The following SORCS2 variants were observed in gnomAD, a reference collection of about 807,000 sequenced individuals.
The protein encoded by SORCS2 is VPS10 domain-containing receptor SorCS2.
A neutral mutation model predicts 141.6 loss-of-function variants in SORCS2; 100 were observed. The ratio of observed to expected loss-of-function variants is 0.71; its 90% CI spans 0.60 to 0.83. The LOEUF (loss-of-function observed/expected upper bound fraction) is 0.83. SORCS2 is among the 40% of genes least tolerant of loss of function. The pLI is 0.00. For missense variants in SORCS2, 1,646 were observed against 1,560.2 expected (o/e 1.05, Z -0.93); for synonymous variants, 789 against 676.9 (o/e 1.17, Z -2.57).
At chr4:7,341,118 C>T (rs372975502) in intron 1 of SORCS2, among the ~76,000 whole-genome samples, 2 of 152,206 alleles carry the variant, frequency 1.3e-5, no homozygotes, top group Admixed American at 6.5e-5. Context: ...TTGACTGCAG[C>T]GTCTCAGTCC....
At chr4:7,570,017 G>C (rs933487218) in intron 3 of SORCS2, among the ~76,000 whole-genome samples, 1 of 152,266 alleles carries the variant, frequency 6.6e-6, no homozygotes, top group Middle Eastern at 3.4e-3. Flanking sequence ...GGCTCCCAGC[G>C]TTTTCAAGGG....
At chr4:7,203,285 G>C (rs7689187) in intron 1 of SORCS2, among the ~76,000 whole-genome samples, 20,072 of 152,280 alleles carry the variant, frequency 0.13, 1,453 homozygotes, top group East Asian at 0.25. Flanking sequence ...TTAGCCGGGC[G>C]TGATGGCACA....
chr4:7,367,401 G>A (rs1721961569), intron 1 of SORCS2, among the ~76,000 whole-genome samples: 1 of 152,238 alleles, frequency 6.6e-6, no homozygotes, highest in Non-Finnish European at 1.5e-5. Context: ...GTGACCGTGG[G>A]TAAGTCATGT....
At chr4:7,671,521 A>G (rs1435571874) in intron 8 of SORCS2, among the ~76,000 whole-genome samples, 1 of 152,182 alleles carries the variant, frequency 6.6e-6, no homozygotes, top group Non-Finnish European at 1.5e-5. Context: ...TAGAAAAAAT[A>G]AAAAGGAACC....
chr4:7,421,805 G>GCCAC (rs1726083775), intron 2 of SORCS2, among the ~76,000 whole-genome samples: 1 of 151,836 alleles, frequency 6.6e-6, no homozygotes, highest in Non-Finnish European at 1.5e-5. Flanking sequence ...GAGGGCTCCT[G>GCCAC]TCACTGAGGC....
At chr4:7,253,411 G>A (rs188477514) in intron 1 of SORCS2, among the ~76,000 whole-genome samples, 59 of 152,010 alleles carry the variant, frequency 3.9e-4, no homozygotes, top group Middle Eastern at 3.4e-3. Flanking sequence ...GACACGGGCC[G>A]TCCCCCTGTT....
chr4:7,196,595 A>G (rs1727177779), intron 1 of SORCS2, among the ~76,000 whole-genome samples: 1 of 151,394 alleles, frequency 6.6e-6, no homozygotes, highest in South Asian at 2.1e-4. Flanking sequence ...CGAGAAGATC[A>G]GCACCTCCCT....
Position 7,723,763 on chromosome 4 carries a change from C to T in SORCS2, c.2491C>T (p.Leu831Phe). The change falls in exon 19 of 27, where the codon CTT (leucine) becomes TTT (phenylalanine). Residue 831 changes from leucine (L) to phenylalanine (F), a missense_variant. Physicochemically the swap from Leu to Phe is conservative, Grantham distance 22. Coordinates refer to ENST00000507866, the MANE Select transcript of SORCS2 (RefSeq NM_020777.3). ...GDGFKAMYVNLTLTGEPIRHR... is the reference protein window; with the variant it reads ...GDGFKAMYVNFTLTGEPIRHR... The stretch of plus-strand genomic sequence containing the variant: ...CGGCTTCAAGGCCATGTACGTGAAC[C>T]TTACACTGACCGGGGAGCCCATCCG... 1 of 1,614,026 alleles carries T rather than the reference C, an allele frequency of 6.2e-7. No homozygotes were observed. The highest frequency in any genetic ancestry group is 1.1e-5 in the South Asian group (1 of 91,086).
At position 7,394,199 on chromosome 4, in the gene SORCS2, G is replaced by A. The variant is rs149007308; in HGVS notation, c.481-2089G>A. Among the ~76,000 whole-genome samples, 305 of 152,266 alleles carry A rather than the reference G, an allele frequency of 2.0e-3. 2 individuals are homozygous for A. The highest frequency in any genetic ancestry group is 3.3e-3 in the Non-Finnish European group (227 of 68,016). Reference sequence around the variant, plus strand: ...GGTGGGGAGGTGGGCACTGGCCTCTGCCCGACTTCACTGCATAAACGATCC... The same window carrying A: ...GGTGGGGAGGTGGGCACTGGCCTCTACCCGACTTCACTGCATAAACGATCC... On this transcript the variant is annotated intron_variant, in intron 1 of 26. Coordinates refer to ENST00000507866, the MANE Select transcript of SORCS2 (RefSeq NM_020777.3).
At chr4:7,248,386 G>A (rs1713276332) in intron 1 of SORCS2, among the ~76,000 whole-genome samples, 2 of 152,330 alleles carry the variant, frequency 1.3e-5, no homozygotes, top group East Asian at 1.9e-4. Context: ...CACCAGGTGC[G>A]TGTCCTAGCT....
intron 3 of SORCS2, among the ~76,000 whole-genome samples, chr4:7,547,574 C>T (rs1374092521): frequency 5.3e-5 from 8 of 152,242 alleles, no homozygotes. Flanking sequence ...ACATCTGGCC[C>T]CACCTTCCCC....
At chr4:7,634,914 A>G (rs527270853) in intron 3 of SORCS2, among the ~76,000 whole-genome samples, 288 of 152,352 alleles carry the variant, frequency 1.9e-3, no homozygotes, top group African/African-American at 6.6e-3. Context: ...ACCCACGTTG[A>G]GAGGCATCCT....
At chr4:7,304,459 G>A (rs554300686) in intron 1 of SORCS2, among the ~76,000 whole-genome samples, 13 of 152,288 alleles carry the variant, frequency 8.5e-5, no homozygotes, top group East Asian at 3.9e-4. Context: ...AGGCGGATGC[G>A]GGTGGGTCGG....
chr4:7,631,481 G>A lies in SORCS2; in HGVS notation c.649-6847G>A, dbSNP rs115232728. 2.4e-3 allele frequency among the ~76,000 whole-genome samples: 363 copies of A among 152,228 alleles called. 1 individual carries two copies. Among genetic ancestry groups the A allele is most frequent in the African/African-American group, 8.4e-3 (349 of 41,534 alleles). On this transcript the variant is annotated intron_variant, in intron 3 of 26. Transcript: ENST00000507866. ...ATCTTTTTGCACAGTGTCGACTCTGGCCCACCCTGTGTGAGCTGTGTCTCA... is the reference window on the plus strand; with the variant it reads ...ATCTTTTTGCACAGTGTCGACTCTGACCCACCCTGTGTGAGCTGTGTCTCA...
chr4:7,255,226 G>T (rs1489370110), intron 1 of SORCS2, among the ~76,000 whole-genome samples: 1 of 151,988 alleles, frequency 6.6e-6, no homozygotes, highest in Non-Finnish European at 1.5e-5. Context: ...AGTGTAACCA[G>T]TGCTTCCCGG....
At chr4:7,550,212 C>T (rs1458289045) in intron 3 of SORCS2, among the ~76,000 whole-genome samples, 1 of 151,810 alleles carries the variant, frequency 6.6e-6, no homozygotes, top group Non-Finnish European at 1.5e-5. Flanking sequence ...GCAGTTGCCT[C>T]CCTGCCTGTG....
intron 3 of SORCS2, among the ~76,000 whole-genome samples, chr4:7,609,612 T>C (rs935843810): frequency 2.6e-5 from 4 of 152,260 alleles, no homozygotes; most frequent in South Asian, 2.1e-4. Context: ...TCCTGCTCTG[T>C]GTCCTTGGCC....
At chr4:7,645,317 T>G (rs1333720929) in intron 4 of SORCS2, among the ~76,000 whole-genome samples, 1 of 152,182 alleles carries the variant, frequency 6.6e-6, no homozygotes, top group Non-Finnish European at 1.5e-5. Context: ...TACAGTCCTG[T>G]GAGCTCAAGT....
rs1722388703 is a variant in SORCS2 at position 7,664,582 on chromosome 4, A to C, written c.1071+111A>C. The C allele has an allele frequency of 1.4e-6, 1 of 730,720 alleles. No individual in the cohort carries two copies. Among genetic ancestry groups the C allele is most frequent in the East Asian group, 2.9e-5 (1 of 34,624 alleles). 45.3% of individuals were successfully genotyped at this position (730,720 alleles called of 1,614,324 possible). ...AAAGAGGCAATAAAACGGGTATTTC[A>C]CTCTCAAATGCTACTTCGCAGGTCA... On this transcript the variant is annotated intron_variant, in intron 7 of 26. Coordinates refer to ENST00000507866, the MANE Select transcript of SORCS2 (RefSeq NM_020777.3). The surrounding 1 kb of genome is among the most constrained non-coding windows in gnomAD (Gnocchi z 4.7).
Sources: gnomAD v4.1 joint callset for allele counts (sites outside exome capture counted in the v4.1 genomes callset) on GRCh38, gnomAD v4.1.1 for gene constraint, Gnocchi (gnomAD v3.1) non-coding constraint, MANE v1.5 for transcripts, NCBI Gene and HGNC (gene_info 2026-07-23, HGNC 2026-07-21) for gene names.